PDE4D: variants seen among roughly 807,000 people sequenced by gnomAD.
The protein encoded by PDE4D is phosphodiesterase 4D, also known as 3',5'-cyclic-AMP phosphodiesterase 4D.
In PDE4D, 24 loss-of-function variants were observed where a neutral mutation model predicts 87.4. The ratio of observed to expected loss-of-function variants is 0.27; its 90% CI spans 0.20 to 0.39. The LOEUF (loss-of-function observed/expected upper bound fraction) is 0.39. Among genes scored for constraint, PDE4D ranks in the 10% least tolerant of loss-of-function variants. The pLI is 1.00. For missense variants in PDE4D, 714 were observed against 1,041.0 expected (o/e 0.69, Z 4.32); for synonymous variants, 384 against 383.2 (o/e 1.00, Z -0.02).
At chr5:59,189,978 C>T (rs993963095) in intron 3 of PDE4D, among the ~76,000 whole-genome samples, 1 of 152,162 alleles carries the variant, frequency 6.6e-6, no homozygotes, top group Admixed American at 6.5e-5. Context: ...AAATTACTAT[C>T]CAAGATGTTT....
chr5:59,337,754 A>G (rs750354216), intron 1 of PDE4D, among the ~76,000 whole-genome samples: 2 of 152,196 alleles, frequency 1.3e-5, no homozygotes, highest in Non-Finnish European at 1.5e-5. Flanking sequence ...ACACAGTTCT[A>G]CTAGAACATC....
intron 1 of PDE4D, among the ~76,000 whole-genome samples, chr5:60,356,635 C>T (rs192572428): frequency 1.7e-3 from 258 of 152,168 alleles, no homozygotes; most frequent in Non-Finnish European, 3.1e-3. Context: ...ACTAGTTTTC[C>T]TTCTTTTCCC....
At chr5:60,148,006 G>T in intron 2 of PDE4D, 1 of 252,148 alleles carries the variant, frequency 4.0e-6, no homozygotes, top group South Asian at 3.6e-5. Context: ...CAATTTGAAA[G>T]GAGATGACCC....
intron 1 of PDE4D, among the ~76,000 whole-genome samples, chr5:60,479,571 T>C (rs1304434191): frequency 6.6e-6 from 1 of 152,174 alleles, no homozygotes; most frequent in Non-Finnish European, 1.5e-5. Flanking sequence ...CTGTCCAATT[T>C]TAAAGCTCTA....
chr5:59,838,294 T>C (rs2152705079), intron 1 of PDE4D, among the ~76,000 whole-genome samples: 1 of 152,152 alleles, frequency 6.6e-6, no homozygotes. Flanking sequence ...CAAATTACAC[T>C]GAACCAGCAC....
At chr5:59,394,233 A>G (rs995181160) in intron 1 of PDE4D, among the ~76,000 whole-genome samples, 4 of 152,246 alleles carry the variant, frequency 2.6e-5, no homozygotes, top group African/African-American at 4.8e-5. Flanking sequence ...CCTTAGAAGA[A>G]GAGATGTGCC....
intron 1 of PDE4D, among the ~76,000 whole-genome samples, chr5:59,387,824 T>C (rs381332): frequency 0.95 from 143,824 of 152,152 alleles, 68,178 homozygotes; most frequent in Middle Eastern, 0.99. Context: ...CTCTTTTAGC[T>C]ATTTTCAAGT....
chr5:59,224,122 CA>C (rs762239197), intron 1 of PDE4D, among the ~76,000 whole-genome samples: 258 of 21,860 alleles, frequency 0.012, 2 homozygotes, highest in South Asian at 0.026. Context: ...CCTGTTTCTA[CA>C]AAAAAAAAAA....
intron 1 of PDE4D, among the ~76,000 whole-genome samples, chr5:59,663,679 C>G (rs1463571139): frequency 6.6e-6 from 1 of 152,110 alleles, no homozygotes; most frequent in Non-Finnish European, 1.5e-5. Context: ...CTACAGAACG[C>G]TGTATAATTT....
chr5:59,101,705 T>C (rs2153433808), intron 5 of PDE4D, among the ~76,000 whole-genome samples: 1 of 148,616 alleles, frequency 6.7e-6, no homozygotes, highest in Non-Finnish European at 1.5e-5. Flanking sequence ...AGTCTAATAA[T>C]CAACTTTTTT....
intron 1 of PDE4D, among the ~76,000 whole-genome samples, chr5:59,537,972 T>C (rs1212704197): frequency 6.6e-6 from 1 of 152,238 alleles, no homozygotes; most frequent in Non-Finnish European, 1.5e-5. Flanking sequence ...TGATTCCTAA[T>C]GAAAATGAGA....
chr5:58,988,190 T>C (rs1268026164), intron 11 of PDE4D, among the ~76,000 whole-genome samples: 1 of 152,148 alleles, frequency 6.6e-6, no homozygotes, highest in East Asian at 1.9e-4. Context: ...TTTAAAACTT[T>C]AGGGCCAATA....
chr5:59,691,609 T>A (rs576476760), intron 1 of PDE4D, among the ~76,000 whole-genome samples: 30 of 151,330 alleles, frequency 2.0e-4, no homozygotes, highest in Admixed American at 1.8e-3. Context: ...TTAGTAGATA[T>A]ACGTAATGTA....
chr5:59,781,113 C>T (rs754215266), intron 1 of PDE4D, among the ~76,000 whole-genome samples: 7 of 134,072 alleles, frequency 5.2e-5, no homozygotes, highest in South Asian at 2.6e-4. Context: ...TTATGGTGAG[C>T]GGAGGTCACA....
chr5:59,008,218 G>T (rs57527145), intron 6 of PDE4D, among the ~76,000 whole-genome samples: 31,004 of 151,812 alleles, frequency 0.2, 3,631 homozygotes, highest in East Asian at 0.55. Context: ...AAAAAGTATT[G>T]TCTCCTTATA....
intron 1 of PDE4D, among the ~76,000 whole-genome samples, chr5:59,274,826 TAA>T (rs1293215165): frequency 3.3e-5 from 5 of 151,936 alleles, no homozygotes; most frequent in East Asian, 1.9e-4. Flanking sequence ...AAATAAAACA[TAA>T]GAGATGAATG....
chr5:59,821,386 C>A (rs1212577204), intron 1 of PDE4D, among the ~76,000 whole-genome samples: 1 of 152,194 alleles, frequency 6.6e-6, no homozygotes, highest in African/African-American at 2.4e-5. Flanking sequence ...CATTTTGAAT[C>A]AATTATGGCT....
chr5:59,461,639 A>T (rs1055334825), intron 1 of PDE4D, among the ~76,000 whole-genome samples: 1 of 152,204 alleles, frequency 6.6e-6, no homozygotes, highest in Non-Finnish European at 1.5e-5. Flanking sequence ...CCAGGAGTTG[A>T]CTACCAGTGT....
At chr5:59,628,287 T>A (rs1831143536) in intron 1 of PDE4D, among the ~76,000 whole-genome samples, 1 of 152,160 alleles carries the variant, frequency 6.6e-6, no homozygotes, top group African/African-American at 2.4e-5. Flanking sequence ...GGCAGTGTTG[T>A]GGAATTTGGC....
Sources: gnomAD v4.1 joint callset for allele counts (sites outside exome capture counted in the v4.1 genomes callset) on GRCh38, gnomAD v4.1.1 for gene constraint, MANE v1.5 for transcripts, NCBI Gene and HGNC (gene_info 2026-07-23, HGNC 2026-07-21) for gene names.